Variants in CEP128 observed in about 807,000 individuals in gnomAD.
CEP128 encodes centrosomal protein 128kDa.
Under a neutral mutation model 156.7 loss-of-function variants are expected in CEP128, and 132 were observed. That is an observed-to-expected ratio of 0.84 (90% CI 0.73 to 0.97). The LOEUF (loss-of-function observed/expected upper bound fraction) is 0.97, where lower values mean the gene tolerates loss of function less well. Among genes scored for constraint, CEP128 ranks in the 50% least tolerant of loss-of-function variants. The pLI, the probability that CEP128 is intolerant of heterozygous loss-of-function variation, is 0.00. For missense variants in CEP128, 1,252 were observed against 1,281.9 expected, an observed-to-expected ratio of 0.98 and a Z score of 0.36; for synonymous variants, 469 against 448.9, an observed-to-expected ratio of 1.04 and a Z score of -0.57.
chr14:80,517,704 T>A lies in CEP128; in HGVS notation c.3072+9165A>T, dbSNP rs182537506. On this transcript the variant is annotated intron_variant, in intron 23 of 24. Coordinates refer to ENST00000555265, the MANE Select transcript of CEP128 (RefSeq NM_152446.5). Reference sequence around the variant, plus strand: ...AGCCTCTTGTTCTCTGACCTGGGGTTCTTGGCCTCACAGATTCCAAGGAAT... The same window carrying A: ...AGCCTCTTGTTCTCTGACCTGGGGTACTTGGCCTCACAGATTCCAAGGAAT... Among the ~76,000 whole-genome samples the A allele has an allele frequency of 8.4e-3, 1,280 of 152,304 alleles. 3 individuals are homozygous for A. Among genetic ancestry groups the A allele is most frequent in the Non-Finnish European group, 0.014 (932 of 68,012 alleles).
intron 9 of CEP128, 132 bp downstream of exon 9, chr14:80,862,625 T>C: frequency 1.5e-6 from 1 of 679,408 alleles, no homozygotes; most frequent in Non-Finnish European, 2.6e-6. Context: ...TACACTGAAC[T>C]ATAACCAATA....
At chr14:80,877,755 C>A (rs1888351798) in intron 8 of CEP128, among the ~76,000 whole-genome samples, 1 of 152,178 alleles carries the variant, frequency 6.6e-6, no homozygotes, top group Non-Finnish European at 1.5e-5. Context: ...ATCCCCATCT[C>A]AGTCACTGCT....
At chr14:80,508,766 C>T (rs4903923) in intron 23 of CEP128, among the ~76,000 whole-genome samples, 118,670 of 152,124 alleles carry the variant, frequency 0.78, 48,655 homozygotes, top group Middle Eastern at 0.9. Flanking sequence ...TCAAAAATTA[C>T]TTAAAAACTT....
intron 14 of CEP128, among the ~76,000 whole-genome samples, chr14:80,480,477 C>T (rs1163959323): frequency 1.3e-5 from 2 of 152,072 alleles, no homozygotes; most frequent in Non-Finnish European, 2.9e-5. Context: ...GGCTGAGACC[C>T]AGGGCATCAA....
rs377539921 is a variant in CEP128 at position 80,696,919 on chromosome 14, G to A, written c.2806+46156C>T. On this transcript the variant is annotated intron_variant, in intron 19 of 24. Transcript: ENST00000555265. ...GTGTTGTGACAGAACAGACTTGAGC[G>A]TATTAATATGCTGAAGAAAACAGAA... 2.2e-4 allele frequency among the ~76,000 whole-genome samples: 34 copies of A among 152,174 alleles called. 4 individuals carry two copies. Among genetic ancestry groups the A allele is most frequent in the Admixed American group, 9.2e-4 (14 of 15,282 alleles).
chr14:80,818,943 G>T (rs891254867), intron 13 of CEP128, among the ~76,000 whole-genome samples: 3 of 152,168 alleles, frequency 2.0e-5, no homozygotes, highest in Non-Finnish European at 4.4e-5. Context: ...CAATAGGAAT[G>T]GAAGAGCCCC....
At chr14:80,544,667 A>C (rs371612093) in intron 21 of CEP128, among the ~76,000 whole-genome samples, 6 of 152,212 alleles carry the variant, frequency 3.9e-5, no homozygotes, top group African/African-American at 1.4e-4. Flanking sequence ...GTATTATGTA[A>C]TAGTGATTAT....
At chr14:80,872,498 G>A (rs34336276) in intron 8 of CEP128, among the ~76,000 whole-genome samples, 9,950 of 152,182 alleles carry the variant, frequency 0.065, 1,082 homozygotes, top group African/African-American at 0.23. Context: ...CTGAGAAAAT[G>A]CATGATAAAC....
intron 19 of CEP128, among the ~76,000 whole-genome samples, chr14:80,664,657 A>G (rs1242807164): frequency 2.0e-5 from 3 of 152,198 alleles, no homozygotes; most frequent in South Asian, 4.1e-4. Context: ...GTGGTAGAGA[A>G]AGGATTCAAT....
chr14:80,552,404 T>G (rs574903031), intron 21 of CEP128, among the ~76,000 whole-genome samples: 15 of 152,280 alleles, frequency 9.9e-5, no homozygotes, highest in African/African-American at 3.6e-4. Context: ...GGAAGATCTT[T>G]GTATACTCCC....
chr14:80,908,404 T>A (rs1884015441), intron 4 of CEP128, among the ~76,000 whole-genome samples: 4 of 152,214 alleles, frequency 2.6e-5, no homozygotes, highest in Admixed American at 2.6e-4. Context: ...TTTTTGGATA[T>A]CTTATGCTGG....
At chr14:80,789,481 T>C (rs1901591048) in intron 14 of CEP128, among the ~76,000 whole-genome samples, 1 of 152,172 alleles carries the variant, frequency 6.6e-6, no homozygotes, top group Non-Finnish European at 1.5e-5. Flanking sequence ...CAGACTTCAG[T>C]AGGTTGCAGA....
downstream of CEP128, among the ~76,000 whole-genome samples, chr14:80,491,864 C>T (rs1251329259): frequency 6.6e-6 from 1 of 152,158 alleles, no homozygotes; most frequent in Non-Finnish European, 1.5e-5. Context: ...ACAGTTTTTT[C>T]CTTCCAGTAA....
At chr14:80,784,858 T>C in intron 15 of CEP128, 37 bp downstream of exon 15, 2 of 1,515,858 alleles carry the variant, frequency 1.3e-6, no homozygotes, top group East Asian at 2.3e-5. Context: ...ACCAGAAAAA[T>C]TCCTTCAGTA....
intron 21 of CEP128, among the ~76,000 whole-genome samples, chr14:80,541,227 A>G (rs1227794213): frequency 2.0e-5 from 3 of 152,178 alleles, no homozygotes; most frequent in African/African-American, 7.2e-5. Context: ...GCCATAGTCC[A>G]CTGTAGCATT....
chr14:80,826,433 A>C (rs573910553), intron 13 of CEP128, among the ~76,000 whole-genome samples: 1 of 152,322 alleles, frequency 6.6e-6, no homozygotes, highest in Non-Finnish European at 1.5e-5. Context: ...AGCATAATTA[A>C]GGTCTCTAAG....
At position 80,862,761 on chromosome 14, in the gene CEP128, T is replaced by C. The variant is rs115137924; in HGVS notation, c.758A>G (p.Gln253Arg). 35 of 1,600,672 alleles carry C rather than the reference T, an allele frequency of 2.2e-5. No homozygotes were observed. Among genetic ancestry groups the C allele is most frequent in the Non-Finnish European group, 2.6e-5 (30 of 1,167,964 alleles). ...DQLGLMSLQLQEALKKQEAKA... is the reference protein window; with the variant it reads ...DQLGLMSLQLREALKKQEAKA... ...ATGAAAGTGTTTTTCACAAACCTCC[T>C]GTAGCTGCAGGGACATGAGTCCCAG... Residue 253 changes from glutamine to arginine, a missense_variant, in exon 9 of 25, where the codon CAG (glutamine) becomes CGG (arginine). By Grantham distance (43) the Gln-to-Arg change is conservative. Coordinates refer to ENST00000555265, the MANE Select transcript of CEP128 (RefSeq NM_152446.5).
rs1212982588 is a variant in CEP128, at chr14:80,785,031, A to C, written c.2075T>G (p.Val692Gly). ...IITQLKLERDVHQRELKDLTS... is the reference protein window; with the variant it reads ...IITQLKLERDGHQRELKDLTS... ...GAGATCTTTCAGCTCCCTCTGGTGC[A>C]CATCTCGTTCCAGCTTTAACTGTGT... The change falls in exon 15 of 25, where the codon GTG becomes GGG. Residue 692 changes from valine (V) to glycine (G), a missense_variant. Val to Gly is a moderately radical substitution (Grantham distance 109, BLOSUM62 -3). Transcript: ENST00000555265. 1 of 1,614,212 alleles carries C rather than the reference A, an allele frequency of 6.2e-7. No homozygotes were observed. Among genetic ancestry groups the C allele is most frequent in the Non-Finnish European group, 8.5e-7 (1 of 1,180,006 alleles).
chr14:80,530,519 C>T (rs1328985392), intron 22 of CEP128, among the ~76,000 whole-genome samples: 3 of 152,174 alleles, frequency 2.0e-5, no homozygotes, highest in Admixed American at 6.5e-5. Context: ...GTGTAACTCC[C>T]TTTAATTCTT....
Sources: allele counts gnomAD v4.1 joint callset (sites outside exome capture counted in the v4.1 genomes callset), GRCh38; gene constraint gnomAD v4.1.1; transcripts MANE v1.5; gene names NCBI Gene and HGNC (gene_info 2026-07-23, HGNC 2026-07-21).